Variants in SRGAP2B observed in about 807,000 individuals in gnomAD.
SRGAP2B encodes the protein SLIT-ROBO Rho GTPase-activating protein 2B.
SRGAP2B carries 9 observed loss-of-function variants against 22.2 expected under a neutral mutation model. The observed-to-expected ratio is 0.41, with a 90% CI of 0.24 to 0.71. The LOEUF is 0.71. Among genes scored for constraint, SRGAP2B ranks in the 30% least tolerant of loss-of-function variants. The pLI, the probability that SRGAP2B is intolerant of heterozygous loss-of-function variation, is 0.35. For missense variants in SRGAP2B, 114 were observed against 235.8 expected (o/e 0.48, Z 3.38); for synonymous variants, 36 against 87.4 (o/e 0.41, Z 3.28).
Position 144,975,960 on chromosome 1 carries a change from A to G in SRGAP2B, c.260+19048T>C, listed in dbSNP as rs369946175. On this transcript the variant is annotated intron_variant, in intron 3 of 9. Coordinates refer to ENST00000612199, the Ensembl canonical transcript of SRGAP2B. ...ACGATCTCGGCTCACTGCAAGCTCC[A>G]CCTCCCAGGTTCACCCCATTCTCCT... Among the ~76,000 whole-genome samples, 55 of 129,348 alleles carry G rather than the reference A, an allele frequency of 4.3e-4. 3 individuals carry two copies. Among genetic ancestry groups the G allele is most frequent in the African/African-American group, 1.4e-3 (45 of 32,092 alleles). 84.9% of individuals were successfully genotyped at this position (129,348 alleles called of 152,430 possible).
At chr1:145,006,010 T>G (rs1317726304) in intron 2 of SRGAP2B, among the ~76,000 whole-genome samples, 1 of 150,864 alleles carries the variant, frequency 6.6e-6, no homozygotes, top group African/African-American at 2.5e-5. Context: ...GCTGAAACAG[T>G]CTGCCCAGTT....
chr1:145,035,861 CT>C lies in SRGAP2B; in HGVS notation c.68-40662del, dbSNP rs1648639274. ...TTCAGTTACGCTCTGTATTCATGCT[CT>C]TTTACTAAAACCTTCTTGGGGACTA... On this transcript the variant is annotated intron_variant, in intron 2 of 9. Coordinates refer to ENST00000612199, the Ensembl canonical transcript of SRGAP2B. Among the ~76,000 whole-genome samples, 2 of 146,718 alleles carry C rather than the reference CT, an allele frequency of 1.4e-5. 1 individual carries two copies. Among genetic ancestry groups the C allele is most frequent in the African/African-American group, 5.3e-5 (2 of 38,070 alleles).
At chr1:144,925,653 A>AC (rs1359312480) in intron 4 of SRGAP2B, among the ~76,000 whole-genome samples, 2 of 139,492 alleles carry the variant, frequency 1.4e-5, no homozygotes, top group Non-Finnish European at 3.1e-5. Context: ...AAAAAAAAAA[A>AC]AGAAAGAAAA....
chr1:145,011,534 A>G (rs1424146604), intron 2 of SRGAP2B, among the ~76,000 whole-genome samples: 6 of 150,504 alleles, frequency 4.0e-5, no homozygotes, highest in South Asian at 2.1e-4. Context: ...TTGACACCCC[A>G]TCCTGACCAC....
chr1:145,047,175 CAAAAAAAAAAAAAAA>C (rs4058382), intron 2 of SRGAP2B, among the ~76,000 whole-genome samples: 1 of 14,572 alleles, frequency 6.9e-5, no homozygotes, highest in Non-Finnish European at 1.1e-4. Context: ...GACTCTGTCT[CAAAAAAAAAAAAAAA>C]AAAAAAAAAA....
intron 3 of SRGAP2B, among the ~76,000 whole-genome samples, chr1:144,970,627 C>T (rs1553613087): frequency 1.6e-5 from 1 of 60,922 alleles, no homozygotes; most frequent in Non-Finnish European, 3.0e-5. Context: ...TGCACATGTA[C>T]CCTAAAACTT....
At chr1:144,909,217 A>G (rs1186673617) in intron 5 of SRGAP2B, among the ~76,000 whole-genome samples, 1 of 149,812 alleles carries the variant, frequency 6.7e-6, no homozygotes, top group Non-Finnish European at 1.5e-5. Flanking sequence ...AGCCAGATTT[A>G]TATCACAGAA....
intron 3 of SRGAP2B, among the ~76,000 whole-genome samples, chr1:144,973,947 G>C (rs1668716258): frequency 1.3e-5 from 2 of 148,804 alleles, no homozygotes; most frequent in Non-Finnish European, 3.0e-5. Context: ...TTGCAAGCTG[G>C]TGAATTATTT....
At chr1:145,080,822 T>C (rs1472698857) in intron 2 of SRGAP2B, among the ~76,000 whole-genome samples, 2 of 149,638 alleles carry the variant, frequency 1.3e-5, no homozygotes, top group African/African-American at 5.1e-5. Context: ...CCCAAAGTGC[T>C]GGGATTACAG....
At chr1:145,057,027 TAAAA>T (rs1224295963) in intron 2 of SRGAP2B, among the ~76,000 whole-genome samples, 7 of 135,588 alleles carry the variant, frequency 5.2e-5, no homozygotes, top group African/African-American at 1.9e-4. Context: ...ATAATAATAA[TAAAA>T]AAGTCATTTG....
intron 2 of SRGAP2B, among the ~76,000 whole-genome samples, chr1:145,041,089 A>ATC (rs1649192947): frequency 8.4e-6 from 1 of 118,546 alleles, no homozygotes; most frequent in Admixed American, 8.8e-5. Context: ...ATATATATAT[A>ATC]TATATATATA....
At chr1:145,001,837 A>G (rs1553619926) in intron 2 of SRGAP2B, among the ~76,000 whole-genome samples, 1 of 150,664 alleles carries the variant, frequency 6.6e-6, no homozygotes, top group African/African-American at 2.5e-5. Context: ...CCTGGGCAAC[A>G]TGGCAAAATC....
intron 2 of SRGAP2B, among the ~76,000 whole-genome samples, chr1:144,995,686 G>T (rs1414710769): frequency 6.9e-6 from 1 of 145,142 alleles, no homozygotes; most frequent in African/African-American, 2.7e-5. Flanking sequence ...TAGAGACCAT[G>T]CTCCTACTTT....
chr1:145,039,849 C>T (rs6658434), intron 2 of SRGAP2B, among the ~76,000 whole-genome samples: 1 of 2,614 alleles, frequency 3.8e-4, no homozygotes, highest in Non-Finnish European at 9.0e-4. Context: ...CACTAGCTAA[C>T]GACTCCAGAA....
chr1:144,911,832 G>A (rs1400960550), intron 5 of SRGAP2B, among the ~76,000 whole-genome samples: 2 of 144,808 alleles, frequency 1.4e-5, no homozygotes, highest in Admixed American at 1.4e-4. Context: ...TGTCAGCCAG[G>A]ATGGTCTCGA....
chr1:144,956,439 C>CTTTTTT (rs3069132), intron 3 of SRGAP2B, among the ~76,000 whole-genome samples: 5 of 95,388 alleles, frequency 5.2e-5, no homozygotes, highest in East Asian at 2.6e-4. Context: ...TGCTCATTCC[C>CTTTTTT]TTTTTTTTTT....
At chr1:144,956,330 G>C (rs1667259147) in intron 3 of SRGAP2B, among the ~76,000 whole-genome samples, 1 of 133,834 alleles carries the variant, frequency 7.5e-6, no homozygotes, top group Non-Finnish European at 1.6e-5. Context: ...ATTGAGCCAT[G>C]ATCTCATGTC....
chr1:145,017,423 C>A, intron 2 of SRGAP2B, among the ~76,000 whole-genome samples: 1 of 145,604 alleles, frequency 6.9e-6, no homozygotes, highest in East Asian at 2.0e-4. Context: ...CTGGATGAAC[C>A]TGATTCCCTT....
chr1:145,012,271 C>T (rs1672109268), intron 2 of SRGAP2B, among the ~76,000 whole-genome samples: 2 of 144,890 alleles, frequency 1.4e-5, no homozygotes, highest in African/African-American at 2.7e-5. Context: ...ATAGAGTAAG[C>T]ACTCAATAAA....
Sources: gnomAD v4.1 joint callset for allele counts (sites outside exome capture counted in the v4.1 genomes callset) on GRCh38, gnomAD v4.1.1 for gene constraint, MANE v1.5 for transcripts, NCBI Gene and HGNC (gene_info 2026-07-23, HGNC 2026-07-21) for gene names.